Variants in TSPEAR observed in about 807,000 individuals in gnomAD.
TSPEAR encodes the protein thrombospondin-type laminin G domain and EAR repeat-containing protein.
TSPEAR carries 69 observed loss-of-function variants against 71.6 expected under a neutral mutation model. The observed-to-expected ratio is 0.96, with a 90% CI of 0.79 to 1.18. TSPEAR has a LOEUF of 1.18. TSPEAR is among the 50% of genes most tolerant of loss of function. The pLI is 0.00. For synonymous variants in TSPEAR, 402 were observed against 387.2 expected, an observed-to-expected ratio of 1.04 and a Z score of -0.45; for missense variants, 971 against 894.9, an observed-to-expected ratio of 1.09 and a Z score of -1.09.
intron 1 of TSPEAR, among the ~76,000 whole-genome samples, chr21:44,674,494 A>C (rs1248041065): frequency 6.6e-6 from 1 of 152,194 alleles, no homozygotes; most frequent in Non-Finnish European, 1.5e-5. Context: ...AGGCAGGTGG[A>C]TCACTTGAGC....
chr21:44,611,724 A>G (rs1018857924), intron 1 of TSPEAR, among the ~76,000 whole-genome samples: 4 of 152,162 alleles, frequency 2.6e-5, no homozygotes, highest in African/African-American at 9.7e-5. Context: ...AAATACCCCA[A>G]TAGCAAAGAC....
At chr21:44,518,175 CAAGTAT>C (rs1272279176) in intron 9 of TSPEAR, 9 of 382,774 alleles carry the variant, frequency 2.4e-5, no homozygotes, top group Non-Finnish European at 4.8e-5. Flanking sequence ...CTTCTGAAGA[CAAGTAT>C]AACTTAAAAA....
chr21:44,684,086 G>A (rs557660699), intron 1 of TSPEAR, among the ~76,000 whole-genome samples: 1 of 152,308 alleles, frequency 6.6e-6, no homozygotes, highest in South Asian at 2.1e-4. Flanking sequence ...AATCTCAAAA[G>A]CAGTGACAGG....
rs76688017 is a variant in TSPEAR at position 44,567,202 on chromosome 21, T to C, written c.303+583A>G. ...CGAAAAACTGGGCAAAAAATTTAAA[T>C]GAACATTTCTCCAAGGAATATGCAC... is the stretch of plus-strand genomic sequence containing the variant. On this transcript the variant is annotated intron_variant, in intron 2 of 11. Coordinates refer to ENST00000323084, the MANE Select transcript of TSPEAR (RefSeq NM_144991.3). 6.8e-3 allele frequency among the ~76,000 whole-genome samples: 1,042 copies of C among 152,270 alleles called. 5 individuals are homozygous for C. The highest frequency in any genetic ancestry group is 0.024 in the African/African-American group (986 of 41,546).
chr21:44,709,588 G>T (rs1460084009), intron 1 of TSPEAR, among the ~76,000 whole-genome samples: 3 of 152,248 alleles, frequency 2.0e-5, no homozygotes, highest in Non-Finnish European at 4.4e-5. Context: ...CCTCGCGACC[G>T]CCTGTGACCT....
intron 2 of TSPEAR, chr21:44,539,345 A>C: frequency 6.2e-7 from 1 of 1,612,288 alleles, no homozygotes; most frequent in Non-Finnish European, 8.5e-7. Flanking sequence ...GAGGAGGGAC[A>C]CGCAGGAGGC....
At chr21:44,692,517 G>A (rs1987162918) in intron 1 of TSPEAR, among the ~76,000 whole-genome samples, 1 of 152,112 alleles carries the variant, frequency 6.6e-6, no homozygotes, top group Non-Finnish European at 1.5e-5. Flanking sequence ...CAAAGTTTCA[G>A]GGTACAAGAT....
At chr21:44,600,476 G>C in intron 1 of TSPEAR, 1 of 933,012 alleles carries the variant, frequency 1.1e-6, no homozygotes, top group East Asian at 2.6e-5. Flanking sequence ...AACAAGGAAG[G>C]GGCAGGAGTT....
In TSPEAR at chr21:44,687,879, T is replaced by C. The variant is rs1482026825; in HGVS notation, c.82+23554A>G. Among the ~76,000 whole-genome samples, 1 of 152,074 alleles carries C rather than the reference T, an allele frequency of 6.6e-6. No individual in the cohort carries two copies. Among genetic ancestry groups the C allele is most frequent in the Non-Finnish European group, 1.5e-5 (1 of 68,012 alleles). On this transcript the variant is annotated intron_variant, in intron 1 of 11. Coordinates refer to ENST00000323084, the MANE Select transcript of TSPEAR (RefSeq NM_144991.3). This position sits in a 1 kb window ranked among gnomAD's most constrained non-coding sequence, Gnocchi z 4.4. ...ATGGCAGGTTGCTGCAGTGTGTGAGTGAAGTGTGCGGTTGCTGCACCTTCC... is the reference window on the plus strand; with the variant it reads ...ATGGCAGGTTGCTGCAGTGTGTGAGCGAAGTGTGCGGTTGCTGCACCTTCC...
intron 1 of TSPEAR, among the ~76,000 whole-genome samples, chr21:44,707,728 A>G (rs1249593924): frequency 6.6e-6 from 1 of 152,024 alleles, no homozygotes; most frequent in Non-Finnish European, 1.5e-5. Context: ...TAACTCTGAG[A>G]TTTGTTTTCT....
At chr21:44,649,463 C>T (rs1419702683) in intron 1 of TSPEAR, among the ~76,000 whole-genome samples, 1 of 152,172 alleles carries the variant, frequency 6.6e-6, no homozygotes, top group Admixed American at 6.5e-5. Flanking sequence ...ACGGCTCCCC[C>T]GCTACCCACG....
chr21:44,683,833 G>A (rs1378443829), intron 1 of TSPEAR, among the ~76,000 whole-genome samples: 2 of 152,146 alleles, frequency 1.3e-5, no homozygotes, highest in African/African-American at 2.4e-5. Context: ...ATAATTAAAG[G>A]AAAACATTGT....
At position 44,509,336 on chromosome 21, in the gene TSPEAR, G is replaced by A. The variant is rs375915985; in HGVS notation, c.1617C>T (p.Phe539=). Residue 539 remains phenylalanine (F), a synonymous_variant, in exon 10 of 12, where the codon TTC becomes TTT. Coordinates refer to ENST00000323084, the MANE Select transcript of TSPEAR (RefSeq NM_144991.3). Reference sequence around the variant, plus strand: ...AGCTGTGACTGTTTGCCACAGCGAGGAAGATCCTCTCCCCGATCTGGAAGA... The same window carrying A: ...AGCTGTGACTGTTTGCCACAGCGAGAAAGATCCTCTCCCCGATCTGGAAGA... The part of the protein sequence containing the change: ...WEVFQIGERI[F]LAVANSHSYD... 1.9e-6 allele frequency: 3 copies of A among 1,613,872 alleles called. No individual in the cohort carries two copies. In the African/African-American group the frequency reaches 4.0e-5, roughly 22 times the overall value.
intron 11 of TSPEAR, among the ~76,000 whole-genome samples, chr21:44,502,792 G>A (rs1555911222): frequency 6.6e-6 from 1 of 152,268 alleles, no homozygotes; most frequent in African/African-American, 2.4e-5. Flanking sequence ...ACCTGCGAGA[G>A]AAGGTGAGCC....
intron 1 of TSPEAR, among the ~76,000 whole-genome samples, chr21:44,584,150 C>G (rs1979188984): frequency 6.6e-6 from 1 of 152,202 alleles, no homozygotes; most frequent in Non-Finnish European, 1.5e-5. Context: ...CCGAGCTTGG[C>G]TTTTTTAGAT....
chr21:44,637,186 A>G (rs112184511), intron 1 of TSPEAR, among the ~76,000 whole-genome samples: 94 of 152,310 alleles, frequency 6.2e-4, no homozygotes, highest in Middle Eastern at 3.4e-3. Flanking sequence ...AGGACCAGCC[A>G]AGTGTTAGGA....
intron 1 of TSPEAR, among the ~76,000 whole-genome samples, chr21:44,632,115 A>G (rs1471971204): frequency 1.3e-5 from 2 of 152,246 alleles, no homozygotes; most frequent in Non-Finnish European, 2.9e-5. Flanking sequence ...TGAAGTAATA[A>G]TGACCAAAAA....
chr21:44,636,784 G>C (rs1318841409), intron 1 of TSPEAR, among the ~76,000 whole-genome samples: 1 of 152,156 alleles, frequency 6.6e-6, no homozygotes, highest in Non-Finnish European at 1.5e-5. Flanking sequence ...CCAAAGGCCA[G>C]TCCCCAAACC....
At chr21:44,551,972 T>G (rs1290790801) in intron 2 of TSPEAR, among the ~76,000 whole-genome samples, 2 of 152,170 alleles carry the variant, frequency 1.3e-5, no homozygotes, top group Non-Finnish European at 2.9e-5. Flanking sequence ...CCTGGCGGGC[T>G]CTGGGATCTT....
Sources: gnomAD v4.1 joint callset for allele counts (sites outside exome capture counted in the v4.1 genomes callset) on GRCh38, gnomAD v4.1.1 for gene constraint, Gnocchi (gnomAD v3.1) non-coding constraint, MANE v1.5 for transcripts, NCBI Gene and HGNC (gene_info 2026-07-23, HGNC 2026-07-21) for gene names.